Variants in PAIP2B observed in about 807,000 individuals in gnomAD.
PAIP2B encodes poly(A) binding protein interacting protein 2B.
PAIP2B carries 13 observed loss-of-function variants against 17.0 expected under a neutral mutation model. That is an observed-to-expected ratio of 0.76 (90% CI 0.50 to 1.22). The LOEUF (loss-of-function observed/expected upper bound fraction) is 1.22, where lower values mean the gene tolerates loss of function less well. PAIP2B is among the 50% of genes most tolerant of loss of function. The probability of loss-of-function intolerance (pLI) is 0.00; values close to 1 mark genes in which losing one functional copy is unlikely to be tolerated. For synonymous variants in PAIP2B, 43 were observed against 48.7 expected (o/e 0.88, Z 0.48); for missense variants, 117 against 144.5 (o/e 0.81, Z 0.98).
chr2:71,193,751 G>A (rs565359364), intron 2 of PAIP2B, among the ~76,000 whole-genome samples: 128 of 152,260 alleles, frequency 8.4e-4, no homozygotes, highest in African/African-American at 3.0e-3. Flanking sequence ...CTACTCTGGA[G>A]GCTGAGGCAG....
At chr2:71,209,276 C>G (rs1460614883) in intron 1 of PAIP2B, among the ~76,000 whole-genome samples, 1 of 152,070 alleles carries the variant, frequency 6.6e-6, no homozygotes, top group East Asian at 1.9e-4. Flanking sequence ...GGTATGAAGT[C>G]CACGGAAATG....
intron 2 of PAIP2B, among the ~76,000 whole-genome samples, chr2:71,191,599 C>CA (rs1221015371): frequency 6.6e-6 from 1 of 152,224 alleles, no homozygotes; most frequent in African/African-American, 2.4e-5. Flanking sequence ...GTTAAAATCA[C>CA]ATTTGTCACC....
chr2:71,218,981 T>C (rs190994660), intron 1 of PAIP2B, among the ~76,000 whole-genome samples: 1 of 150,918 alleles, frequency 6.6e-6, no homozygotes, highest in African/African-American at 2.4e-5. Flanking sequence ...AATGGCGCGA[T>C]CTTGGCTCAC....
At chr2:71,223,087 C>A (rs1437940547) in intron 1 of PAIP2B, among the ~76,000 whole-genome samples, 4 of 152,136 alleles carry the variant, frequency 2.6e-5, no homozygotes, top group African/African-American at 4.8e-5. Flanking sequence ...CAGGGCAGGA[C>A]CTTAATCTCC....
intron 1 of PAIP2B, among the ~76,000 whole-genome samples, chr2:71,207,505 G>A (rs968790863): frequency 2.0e-5 from 3 of 152,110 alleles, no homozygotes; most frequent in African/African-American, 7.2e-5. Flanking sequence ...AAGGAGTTCT[G>A]AAACTCCTTA....
intron 1 of PAIP2B, among the ~76,000 whole-genome samples, chr2:71,207,793 G>A (rs1675174560): frequency 6.6e-6 from 1 of 152,144 alleles, no homozygotes; most frequent in Non-Finnish European, 1.5e-5. Context: ...GCAACTGGGT[G>A]GATTGGTAAT....
At position 71,227,048 on chromosome 2, in the gene PAIP2B, G is replaced by C. The variant is rs1185486965; in HGVS notation, c.-132C>G. 1 of 153,110 alleles carries C rather than the reference G, an allele frequency of 6.5e-6. No individual in the cohort carries two copies. Among genetic ancestry groups the C allele is most frequent in the Non-Finnish European group, 1.5e-5 (1 of 68,112 alleles). 9.5% of individuals were successfully genotyped at this position (153,110 alleles called of 1,614,324 possible). On this transcript the variant is annotated 5_prime_UTR_variant, in exon 1 of 4. Transcript: ENST00000244221. ...TCGGCCTTTAGTACCAAAACGTGAA[G>C]CACAGCACCCGAGAAGCGCCACTAC...
intron 1 of PAIP2B, among the ~76,000 whole-genome samples, chr2:71,215,506 C>T (rs1675406472): frequency 6.6e-6 from 1 of 152,180 alleles, no homozygotes; most frequent in African/African-American, 2.4e-5. Flanking sequence ...TCAAACTCTT[C>T]TCTGAGGGGT....
chr2:71,214,717 G>T (rs1675384857), intron 1 of PAIP2B, among the ~76,000 whole-genome samples: 1 of 152,176 alleles, frequency 6.6e-6, no homozygotes, highest in East Asian at 1.9e-4. Flanking sequence ...TGTATCGGGT[G>T]ACTAAGGATG....
intron 2 of PAIP2B, among the ~76,000 whole-genome samples, chr2:71,192,621 G>A (rs1425771967): frequency 6.6e-6 from 1 of 151,806 alleles, no homozygotes; most frequent in African/African-American, 2.4e-5. Context: ...AGACCCCAGT[G>A]TCTGTTGTTC....
intron 2 of PAIP2B, among the ~76,000 whole-genome samples, chr2:71,197,630 A>G (rs1674854593): frequency 6.6e-6 from 1 of 152,232 alleles, no homozygotes; most frequent in South Asian, 2.1e-4. Flanking sequence ...TGATAAAGAC[A>G]TATCCAAGAC....
chr2:71,203,557 A>G (rs1027318817), intron 1 of PAIP2B, among the ~76,000 whole-genome samples: 1 of 151,948 alleles, frequency 6.6e-6, no homozygotes, highest in African/African-American at 2.4e-5. Flanking sequence ...GCATTTTTTT[A>G]CATTTCCTTA....
intron 1 of PAIP2B, among the ~76,000 whole-genome samples, chr2:71,213,051 T>C (rs1156550169): frequency 3.9e-5 from 6 of 152,208 alleles, no homozygotes; most frequent in South Asian, 4.1e-4. Context: ...GTGCCTGGCC[T>C]GGGGAGCAGT....
At position 71,203,158 on chromosome 2, in the gene PAIP2B, CAT is replaced by C. The variant is rs75215121; in HGVS notation, c.-11-560_-11-559del. ...TGCGCATATAACCTTCCTGAATTCC[CAT>C]ATGTTTGTGTATACACAAACATACA... On this transcript the variant is annotated intron_variant, in intron 1 of 3. Transcript: ENST00000244221. 0.056 allele frequency among the ~76,000 whole-genome samples: 8,452 copies of C among 152,060 alleles called. 973 individuals are homozygous for C. In the East Asian group the frequency reaches 0.56, roughly 10 times the overall value.
At chr2:71,189,823 G>A (rs1484014068) in intron 3 of PAIP2B, 22 bp downstream of exon 3, 18 of 1,533,882 alleles carry the variant, frequency 1.2e-5, no homozygotes, top group Middle Eastern at 1.7e-4. Context: ...ACATAACCTG[G>A]GGAACTACAT....
intron 2 of PAIP2B, among the ~76,000 whole-genome samples, chr2:71,198,966 C>T (rs1674903590): frequency 6.6e-6 from 1 of 152,122 alleles, no homozygotes; most frequent in Non-Finnish European, 1.5e-5. Flanking sequence ...TGTTCCTATT[C>T]ATATTCTGAA....
At chr2:71,219,275 T>C (rs889296977) in intron 1 of PAIP2B, among the ~76,000 whole-genome samples, 4 of 152,056 alleles carry the variant, frequency 2.6e-5, no homozygotes, top group African/African-American at 9.7e-5. Context: ...AAAAAGAATG[T>C]GATTTCCTTT....
chr2:71,211,292 A>G (rs539669357), intron 1 of PAIP2B, among the ~76,000 whole-genome samples: 1 of 152,130 alleles, frequency 6.6e-6, no homozygotes, highest in South Asian at 2.1e-4. Flanking sequence ...AGCAAGTGGC[A>G]AGAAGGTCTA....
chr2:71,217,360 C>T (rs965229989), intron 1 of PAIP2B, among the ~76,000 whole-genome samples: 4 of 152,186 alleles, frequency 2.6e-5, no homozygotes, highest in Admixed American at 1.3e-4. Context: ...TCAGGCTGGT[C>T]TCAAACTCCT....
Sources: allele counts gnomAD v4.1 joint callset (sites outside exome capture counted in the v4.1 genomes callset), GRCh38; gene constraint gnomAD v4.1.1; transcripts MANE v1.5; gene names NCBI Gene and HGNC (gene_info 2026-07-23, HGNC 2026-07-21).